The following GGA1 variants were observed in gnomAD, a reference collection of about 807,000 sequenced individuals.
GGA1 encodes the protein golgi associated, gamma adaptin ear containing, ARF binding protein 1, also known as ADP-ribosylation factor-binding protein GGA1.
In GGA1, 18 loss-of-function variants were observed where a neutral mutation model predicts 76.9. The observed-to-expected ratio is 0.23, with a 90% CI of 0.16 to 0.35. The LOEUF is 0.35. Ranked by LOEUF, GGA1 falls within the 10% of genes least tolerant of loss-of-function variation. The pLI is 1.00. For synonymous variants in GGA1, 342 were observed against 354.7 expected, an observed-to-expected ratio of 0.96 and a Z score of 0.40; for missense variants, 755 against 859.0, an observed-to-expected ratio of 0.88 and a Z score of 1.51.
Position 37,620,312 on chromosome 22 carries a change from G to T in GGA1, c.378G>T (p.Leu126=). ...TCCTCTACAGCTGGACAGTGGGCCT[G>T]CCCGAGGAGGTGAAAATCGCAGAGG... is the stretch of plus-strand genomic sequence containing the variant. The part of the protein sequence containing the change: ...LELLYSWTVG[L]PEEVKIAEAY... The change falls in exon 5 of 17, where the codon CTG becomes CTT. Residue 126 remains leucine, a synonymous_variant. Transcript: ENST00000343632. The T allele has an allele frequency of 6.2e-7, 1 of 1,614,034 alleles. No homozygotes were observed. Among genetic ancestry groups the T allele is most frequent in the Non-Finnish European group, 8.5e-7 (1 of 1,179,960 alleles).
intron 6 of GGA1, 55 bp downstream of exon 6, chr22:37,620,968 G>A (rs1929777092): frequency 1.9e-6 from 2 of 1,043,058 alleles, no homozygotes; most frequent in East Asian, 2.4e-5. Flanking sequence ...GGGGTCCGTG[G>A]GTTCTGACCT....
intron 1 of GGA1, 41 bp downstream of exon 1, chr22:37,608,944 A>G (rs1926910017): frequency 7.7e-7 from 1 of 1,291,576 alleles, no homozygotes; most frequent in African/African-American, 1.6e-5. Context: ...CGGAACCGGA[A>G]CCGGGGGCAC....
chr22:37,632,723 TGGGGAGAGGAA>T lies in GGA1; in HGVS notation c.*17_*27del. On this transcript the variant is annotated 3_prime_UTR_variant, in exon 17 of 17. Transcript: ENST00000343632. The surrounding 1 kb of genome is among the most constrained non-coding windows in gnomAD (Gnocchi z 5.1). ...GGGGTAGCCTCTAGAACAGAGGGGCTGGGGAGAGGAAGGGGCAGAGGGACCGGTCACTGTCC... is the reference window on the plus strand; with the variant it reads ...GGGGTAGCCTCTAGAACAGAGGGGCTGGGGCAGAGGGACCGGTCACTGTCC... The T allele has an allele frequency of 6.8e-7, 1 of 1,475,176 alleles. No individual in the cohort carries two copies. Among genetic ancestry groups the T allele is most frequent in the Non-Finnish European group, 9.4e-7 (1 of 1,064,474 alleles). 91.4% of individuals were successfully genotyped at this position (1,475,176 alleles called of 1,614,324 possible).
At chr22:37,626,837 G>A (rs1176887912) in intron 11 of GGA1, 1 of 152,260 alleles carries the variant, frequency 6.6e-6, no homozygotes, top group Admixed American at 6.5e-5. Flanking sequence ...CTGCAGGCAG[G>A]TGCCGTTAAT....
rs547860411 is a variant in GGA1 at position 37,618,313 on chromosome 22, C to A, written c.205-135C>A. 6.8e-5 allele frequency: 42 copies of A among 614,120 alleles called. No homozygotes were observed. In the South Asian group the frequency reaches 7.6e-4, roughly 11 times the overall value. 38.0% of individuals were successfully genotyped at this position (614,120 alleles called of 1,614,324 possible). A position where few individuals can be genotyped will look rare whatever the true frequency, so the allele number is the denominator to read the frequency against. ...CCCAGAGGCCTGTGTGACTCTGAAT[C>A]TTCCAACCTCACAGGCCATTCCCTC... On this transcript the variant is annotated intron_variant, in intron 3 of 16. Transcript: ENST00000343632.
In GGA1 at chr22:37,629,495, G is replaced by C; in HGVS notation, c.1127G>C (p.Ser376Thr). 1 of 1,588,934 alleles carries C rather than the reference G, an allele frequency of 6.3e-7. No individual in the cohort carries two copies. Among genetic ancestry groups the C allele is most frequent in the South Asian group, 1.1e-5 (1 of 87,288 alleles). The change falls in exon 12 of 17, where the codon AGC (serine) becomes ACC (threonine). Residue 376 changes from serine (S) to threonine (T), a missense_variant. Ser to Thr is a moderately conservative substitution (Grantham distance 58). Coordinates refer to ENST00000343632, the MANE Select transcript of GGA1 (RefSeq NM_013365.5). ...GACCCCACACCCCCTTCAGGCCCAA[G>C]CCTGGATGGTACCGGATGGAACAGC... ...LSDPTPPSGP[S>T]LDGTGWNSFQ...
chr22:37,621,376 G>A (rs1018605266), intron 6 of GGA1, among the ~76,000 whole-genome samples: 2 of 152,188 alleles, frequency 1.3e-5, no homozygotes, highest in East Asian at 3.9e-4. Context: ...GGGGATATAA[G>A]GAGCACCATT....
chr22:37,613,378 C>G (rs1601502553), intron 1 of GGA1, among the ~76,000 whole-genome samples: 1 of 151,940 alleles, frequency 6.6e-6, no homozygotes, highest in African/African-American at 2.4e-5. Flanking sequence ...GAACTGAGTC[C>G]CCTCCTCTGT....
At chr22:37,613,234 C>A (rs761336) in intron 1 of GGA1, 454,254 of 892,920 alleles carry the variant, frequency 0.51, 117,060 homozygotes, top group Middle Eastern at 0.58. Context: ...TTCTCTGCCT[C>A]GTGTGGTTAC....
At position 37,611,582 on chromosome 22, in the gene GGA1, C is replaced by T. The variant is rs1423746706; in HGVS notation, c.44-2608C>T. 1.3e-4 allele frequency among the ~76,000 whole-genome samples: 20 copies of T among 152,314 alleles called. No homozygotes were observed. The South Asian group carries it at 2.9e-3, about 22-fold the overall frequency. On this transcript the variant is annotated intron_variant, in intron 1 of 16. Coordinates refer to ENST00000343632, the MANE Select transcript of GGA1 (RefSeq NM_013365.5). ...ACTTAAATCTGAGTTGGATGAATGG[C>T]GGCCAGCCACTGGGATTCCAGGGCT...
chr22:37,620,093 G>C, intron 4 of GGA1, 145 bp from the exon 5 acceptor site: 1 of 806,108 alleles, frequency 1.2e-6, no homozygotes, highest in South Asian at 1.6e-5. Context: ...GTCTACCCCA[G>C]GCTGGTTGGG....
chr22:37,611,647 C>T (rs2145871624), intron 1 of GGA1, among the ~76,000 whole-genome samples: 1 of 152,276 alleles, frequency 6.6e-6, no homozygotes, highest in East Asian at 1.9e-4. Context: ...GGGCAGGCGC[C>T]ACATGCTGGG....
At chr22:37,629,928 C>T in intron 12 of GGA1, 70 bp from the exon 13 acceptor site, 3 of 1,077,730 alleles carry the variant, frequency 2.8e-6, no homozygotes, top group Non-Finnish European at 4.0e-6. Flanking sequence ...CACTGAGCCT[C>T]AGGGCAGGAT....
chr22:37,615,310 A>G (rs7364323), intron 2 of GGA1, among the ~76,000 whole-genome samples: 6,204 of 151,194 alleles, frequency 0.041, 412 homozygotes, highest in African/African-American at 0.14. Flanking sequence ...TTAGCCGGGC[A>G]TGGTGGTGCA....
intron 2 of GGA1, among the ~76,000 whole-genome samples, chr22:37,614,577 G>A (rs769104848): frequency 6.6e-6 from 1 of 152,228 alleles, no homozygotes; most frequent in Non-Finnish European, 1.5e-5. Context: ...TGCAGCCAGT[G>A]CTTTGTGGGG....
intron 11 of GGA1, chr22:37,626,615 A>C (rs6000847): frequency 0.63 from 96,385 of 152,190 alleles, 31,727 homozygotes; most frequent in African/African-American, 0.82. Context: ...CGTTAGGGCC[A>C]CATCAAAGGA....
chr22:37,622,819 GA>G (rs958857576), intron 7 of GGA1, among the ~76,000 whole-genome samples: 41 of 152,234 alleles, frequency 2.7e-4, no homozygotes, highest in African/African-American at 9.4e-4. Flanking sequence ...AGGGGCAGGG[GA>G]AAGCCGGGCT....
intron 12 of GGA1, among the ~76,000 whole-genome samples, chr22:37,629,745 G>A (rs1302082662): frequency 6.6e-6 from 1 of 152,206 alleles, no homozygotes; most frequent in Non-Finnish European, 1.5e-5. Flanking sequence ...CTGCAGCCCA[G>A]CCTTTGGGAT....
chr22:37,628,216 C>T (rs972500755), intron 11 of GGA1, among the ~76,000 whole-genome samples: 1 of 152,218 alleles, frequency 6.6e-6, no homozygotes, highest in Non-Finnish European at 1.5e-5. Flanking sequence ...CTCAGCCTCC[C>T]AAGTAGATGG....
Sources: gnomAD v4.1 joint callset for allele counts (sites outside exome capture counted in the v4.1 genomes callset) on GRCh38, gnomAD v4.1.1 for gene constraint, Gnocchi (gnomAD v3.1) non-coding constraint, MANE v1.5 for transcripts, NCBI Gene and HGNC (gene_info 2026-07-23, HGNC 2026-07-21) for gene names.